Variants in GSDME observed in about 807,000 individuals in gnomAD.
GSDME encodes the protein gasdermin E.
A neutral mutation model predicts 47.5 loss-of-function variants in GSDME; 44 were observed. The observed-to-expected ratio is 0.93, with a 90% CI of 0.73 to 1.19. The LOEUF is 1.19. Among genes scored for constraint, GSDME ranks in the 50% most tolerant of loss-of-function variants. GSDME has a pLI of 0.00. For missense variants in GSDME, 663 were observed against 604.2 expected (o/e 1.10, Z -1.02); for synonymous variants, 258 against 252.8 (o/e 1.02, Z -0.20).
At chr7:24,729,833 A>G (rs988193331) in intron 3 of GSDME, among the ~76,000 whole-genome samples, 11 of 152,192 alleles carry the variant, frequency 7.2e-5, no homozygotes, top group Non-Finnish European at 1.3e-4. Context: ...CACAGAAGGC[A>G]TGGCTGGGCA....
At chr7:24,704,790 C>T (rs1044684455) in intron 8 of GSDME, 3 of 151,974 alleles carry the variant, frequency 2.0e-5, no homozygotes, top group Admixed American at 2.0e-4. Context: ...AATTCCTGGG[C>T]TCAAGCAATC....
intron 6 of GSDME, among the ~76,000 whole-genome samples, chr7:24,708,890 CTTTGTTTTTTGGTTTTTTTG>C (rs540905388): frequency 3.1e-4 from 47 of 152,234 alleles, no homozygotes; most frequent in African/African-American, 1.0e-3. Flanking sequence ...CTTTTCCTTT[CTTTGTTTTTTGGTTTTTTTG>C]TTTGTTTGTT....
At chr7:24,708,301 T>G (rs765183970) in intron 6 of GSDME, 47 bp from the exon 7 acceptor site, 2 of 1,611,624 alleles carry the variant, frequency 1.2e-6, no homozygotes, top group African/African-American at 1.3e-5. Context: ...GATGCACATC[T>G]CACGACGTCG....
chr7:24,791,323 C>T, the GSDME span, among the ~76,000 whole-genome samples: 1 of 152,200 alleles, frequency 6.6e-6, no homozygotes, highest in African/African-American at 2.4e-5. This position sits in a 1 kb window ranked among gnomAD's most constrained non-coding sequence, Gnocchi z 4.8. Flanking sequence ...CAGTCCAAAC[C>T]TAGGGATGAG....
chr7:24,733,306 T>C lies in GSDME; in HGVS notation c.404+11256A>G, dbSNP rs76853581. 0.036 allele frequency among the ~76,000 whole-genome samples: 5,510 copies of C among 152,042 alleles called. 142 individuals carry two copies. The highest frequency in any genetic ancestry group is 0.053 in the Non-Finnish European group (3,590 of 67,992). On this transcript the variant is annotated intron_variant, in intron 3 of 9. Transcript: ENST00000645220. The surrounding 1 kb of genome is among the most constrained non-coding windows in gnomAD (Gnocchi z 4.3). ...ACATGCCATGAGCCTTGGGTGAGAC[T>C]CTGAGACATGCTGACCCAGCTGTGG...
At chr7:24,717,496 G>T in intron 4 of GSDME, 122 bp from the exon 5 acceptor site, 1 of 1,480,796 alleles carries the variant, frequency 6.8e-7, no homozygotes. Context: ...ACAGAACCGA[G>T]TGGAACAGAG....
At chr7:24,711,607 G>T (rs1258965020) in intron 5 of GSDME, among the ~76,000 whole-genome samples, 1 of 152,064 alleles carries the variant, frequency 6.6e-6, no homozygotes, top group Non-Finnish European at 1.5e-5. Flanking sequence ...GATTGCTTGA[G>T]CCCAGGAGTT....
At position 24,716,971 on chromosome 7, in the gene GSDME, C is replaced by A; in HGVS notation, c.697+283G>T. The A allele has an allele frequency of 2.2e-6, 1 of 457,642 alleles. No individual in the cohort carries two copies. The highest frequency in any genetic ancestry group is 4.1e-6 in the Non-Finnish European group (1 of 245,378). The allele number at this position is 457,642 out of a possible 1,614,324, so 28.3% of individuals were successfully genotyped here. A position where few individuals can be genotyped will look rare whatever the true frequency, so the allele number is the denominator to read the frequency against. The stretch of plus-strand genomic sequence containing the variant: ...CTGATGCAGAGCCCAGGTTGATGCC[C>A]AGAGGACACAGCCCAGCCCTCTACT... On this transcript the variant is annotated intron_variant, in intron 5 of 9. Coordinates refer to ENST00000645220, the MANE Select transcript of GSDME (RefSeq NM_001127453.2). The surrounding 1 kb of genome is among the most constrained non-coding windows in gnomAD (Gnocchi z 4.5).
rs1790577538 is a variant in GSDME, at chr7:24,744,229, C to G, written c.404+333G>C. ...TTATAGAGCCAGAGGGGGGTCATGA[C>G]TTCCTGGCTTCTAAAGTTAATATTC... is the stretch of plus-strand genomic sequence containing the variant. On this transcript the variant is annotated intron_variant, in intron 3 of 9. Coordinates refer to ENST00000645220, the MANE Select transcript of GSDME (RefSeq NM_001127453.2). This position sits in a 1 kb window ranked among gnomAD's most constrained non-coding sequence, Gnocchi z 4.5. 2 of 295,522 alleles carry G rather than the reference C, an allele frequency of 6.8e-6. No individual in the cohort carries two copies. Among genetic ancestry groups the G allele is most frequent in the South Asian group, 4.2e-5 (1 of 24,060 alleles). The allele number at this position is 295,522 out of a possible 1,614,324, so 18.3% of individuals were successfully genotyped here. A position where few individuals can be genotyped will look rare whatever the true frequency, so the allele number is the denominator to read the frequency against.
At chr7:24,722,958 A>G (rs1177377171) in intron 3 of GSDME, among the ~76,000 whole-genome samples, 1 of 152,172 alleles carries the variant, frequency 6.6e-6, no homozygotes, top group Non-Finnish European at 1.5e-5. Context: ...ACTGTCTCCA[A>G]GGCTAGGATT....
chr7:24,776,387 A>G, the GSDME span, among the ~76,000 whole-genome samples: 6 of 152,080 alleles, frequency 3.9e-5, no homozygotes, highest in Non-Finnish European at 5.9e-5. Context: ...TTAACTTTTT[A>G]TTTTGGAAAA....
chr7:24,722,938 A>G (rs2128055243), intron 3 of GSDME, among the ~76,000 whole-genome samples: 1 of 152,290 alleles, frequency 6.6e-6, no homozygotes, highest in Admixed American at 6.5e-5. Context: ...AAGCTCGCCC[A>G]GGGACGGAGA....
intron 2 of GSDME, among the ~76,000 whole-genome samples, chr7:24,748,294 G>C (rs1458368768): frequency 1.3e-5 from 2 of 151,642 alleles, no homozygotes; most frequent in Non-Finnish European, 2.9e-5. Flanking sequence ...TAAGTAGCTG[G>C]GATTACAGGT....
chr7:24,699,336 G>A lies in GSDME; in HGVS notation c.1258-77C>T. On this transcript the variant is annotated intron_variant, in intron 9 of 9. Coordinates refer to ENST00000645220, the MANE Select transcript of GSDME (RefSeq NM_001127453.2). ...ACATTGGATAGTAATGCACTTGTAG[G>A]TAATTCTGGGGGAAAAAACTTTTTG... is the stretch of plus-strand genomic sequence containing the variant. 4 of 1,139,716 alleles carry A rather than the reference G, an allele frequency of 3.5e-6. No individual in the cohort carries two copies. In the South Asian group the frequency reaches 5.2e-5, roughly 15 times the overall value. The allele number at this position is 1,139,716 out of a possible 1,614,324, so 70.6% of individuals were successfully genotyped here.
chr7:24,729,917 T>G (rs1205785389), intron 3 of GSDME, among the ~76,000 whole-genome samples: 3 of 152,120 alleles, frequency 2.0e-5, no homozygotes, highest in Non-Finnish European at 4.4e-5. Flanking sequence ...AAGAGATGGT[T>G]GGTGGAGGCC....
intron 3 of GSDME, among the ~76,000 whole-genome samples, chr7:24,729,190 G>T (rs755306256): frequency 3.3e-5 from 5 of 152,244 alleles, no homozygotes; most frequent in Non-Finnish European, 5.9e-5. Context: ...AAACGCAGCT[G>T]ATGCCCAGAA....
intron 5 of GSDME, among the ~76,000 whole-genome samples, chr7:24,713,233 T>A (rs374328779): frequency 3.9e-5 from 6 of 152,270 alleles, no homozygotes; most frequent in East Asian, 3.9e-4. Flanking sequence ...TCTCTTCACC[T>A]CTCTGTGTCC....
chr7:24,790,382 A>G, the GSDME span, among the ~76,000 whole-genome samples: 2 of 152,220 alleles, frequency 1.3e-5, no homozygotes, highest in African/African-American at 4.8e-5. This position sits in a 1 kb window ranked among gnomAD's most constrained non-coding sequence, Gnocchi z 4.1. Context: ...GGGGCCATTC[A>G]TCAACTTTCC....
At chr7:24,791,723 A>T in the GSDME span, among the ~76,000 whole-genome samples, 1 of 152,198 alleles carries the variant, frequency 6.6e-6, no homozygotes, top group East Asian at 1.9e-4. This position sits in a 1 kb window ranked among gnomAD's most constrained non-coding sequence, Gnocchi z 4.8. Flanking sequence ...CACTCCAGTT[A>T]TTCGGCAGAG....
Sources: allele counts gnomAD v4.1 joint callset (sites outside exome capture counted in the v4.1 genomes callset), GRCh38; gene constraint gnomAD v4.1.1; non-coding constraint Gnocchi (gnomAD v3.1); transcripts MANE v1.5; gene names NCBI Gene and HGNC (gene_info 2026-07-23, HGNC 2026-07-21).